The following NCOA1 variants were observed in gnomAD, a reference collection of about 807,000 sequenced individuals.
NCOA1 encodes the protein nuclear receptor coactivator 1.
In NCOA1, 35 loss-of-function variants were observed where a neutral mutation model predicts 150.9. The observed-to-expected ratio is 0.23, with a 90% CI of 0.18 to 0.31. NCOA1 has a LOEUF of 0.31. Among genes scored for constraint, NCOA1 ranks in the 10% least tolerant of loss-of-function variants. The probability of loss-of-function intolerance (pLI) is 1.00; values close to 1 mark genes in which losing one functional copy is unlikely to be tolerated. For synonymous variants in NCOA1, 590 were observed against 630.0 expected, an observed-to-expected ratio of 0.94 and a Z score of 0.95; for missense variants, 1,491 against 1,749.3, an observed-to-expected ratio of 0.85 and a Z score of 2.63.
rs191439491 is a variant in NCOA1, at chr2:24,631,987, G to A, written c.-174-11979G>A. ...ATTTTTGAATAATTACAAAATAACA[G>A]GAAGATTGAAATAAATAAAATGTTA... is the stretch of plus-strand genomic sequence containing the variant. On this transcript the variant is annotated intron_variant, in intron 3 of 22. Transcript: ENST00000348332. Among the ~76,000 whole-genome samples, 14 of 152,214 alleles carry A rather than the reference G, an allele frequency of 9.2e-5. No homozygotes were observed. In the East Asian group the frequency reaches 2.5e-3, roughly 27 times the overall value.
chr2:24,525,995 ATGTCTG>A (rs1323752877), intron 1 of NCOA1, among the ~76,000 whole-genome samples: 1 of 151,994 alleles, frequency 6.6e-6, no homozygotes. Flanking sequence ...GACTGCTTTG[ATGTCTG>A]TATTTGAAGA....
intron 3 of NCOA1, among the ~76,000 whole-genome samples, chr2:24,627,624 AAC>A (rs1189510845): frequency 1.3e-5 from 2 of 152,230 alleles, no homozygotes; most frequent in Non-Finnish European, 2.9e-5. Context: ...GCCATCTTCT[AAC>A]ACATATAAAA....
rs191915207 is a variant in NCOA1 at position 24,684,120 on chromosome 2, C to T, written c.532+992C>T. 1.7e-4 allele frequency among the ~76,000 whole-genome samples: 26 copies of T among 152,256 alleles called. No individual in the cohort carries two copies. The East Asian group carries it at 3.3e-3, about 19-fold the overall frequency. ...GGAAGTCAAACAATGTAAGATTCCCCTGATGTCACTATAGGTAATACTTAA... is the reference window on the plus strand; with the variant it reads ...GGAAGTCAAACAATGTAAGATTCCCTTGATGTCACTATAGGTAATACTTAA... On this transcript the variant is annotated intron_variant, in intron 8 of 22. Transcript: ENST00000348332.
At chr2:24,695,529 A>G (rs375374303) in intron 10 of NCOA1, among the ~76,000 whole-genome samples, 23 of 152,340 alleles carry the variant, frequency 1.5e-4, no homozygotes, top group African/African-American at 5.5e-4. Context: ...TTAAAATGTA[A>G]AACTAACATT....
chr2:24,539,494 G>C (rs1665302626), intron 1 of NCOA1, among the ~76,000 whole-genome samples: 1 of 152,086 alleles, frequency 6.6e-6, no homozygotes, highest in African/African-American at 2.4e-5. Context: ...ATCATAGAGG[G>C]CTTTGCATAT....
In NCOA1 at chr2:24,741,935, T is replaced by C. The variant is rs765410489; in HGVS notation, c.3455T>C (p.Val1152Ala). 6.2e-7 allele frequency: 1 copy of C among 1,614,120 alleles called. No homozygotes were observed. Among genetic ancestry groups the C allele is most frequent in the East Asian group, 2.2e-5 (1 of 44,882 alleles). Residue 1152 changes from valine to alanine, a missense_variant, in exon 19 of 23, where the codon GTT (valine) becomes GCT (alanine). Val to Ala is a moderately conservative substitution (Grantham distance 64). Transcript: ENST00000348332. ...NNLPPSSGLP[V>A]QMGNPRLPQG... ...CTCCCTCCCTCATCTGGACTACCAG[T>C]TCAAATGGGGAACCCCCGTCTTCCT...
At chr2:24,500,618 A>T (rs181180861) in intron 1 of NCOA1, among the ~76,000 whole-genome samples, 1 of 152,182 alleles carries the variant, frequency 6.6e-6, no homozygotes, top group Admixed American at 6.5e-5. Flanking sequence ...ATACCATTTC[A>T]TAGAGATTAA....
intron 1 of NCOA1, among the ~76,000 whole-genome samples, chr2:24,559,099 A>G (rs1241133503): frequency 6.6e-6 from 1 of 152,162 alleles, no homozygotes; most frequent in Non-Finnish European, 1.5e-5. Context: ...AGTTAGAAAA[A>G]TAATTTTTCA....
chr2:24,718,304 C>CCAAGTGATGG (rs772848785), intron 14 of NCOA1, among the ~76,000 whole-genome samples: 1 of 152,114 alleles, frequency 6.6e-6, no homozygotes, highest in Non-Finnish European at 1.5e-5. Context: ...ACTGACCATA[C>CCAAGTGATGG]CAAGTGATGG....
rs145861361 is a variant in NCOA1, at chr2:24,556,667, A to G, written c.-395-7628A>G. Among the ~76,000 whole-genome samples the G allele has an allele frequency of 7.0e-3, 1,063 of 152,304 alleles. 12 individuals are homozygous for G. The highest frequency in any genetic ancestry group is 0.024 in the African/African-American group (1,003 of 41,558). ...GGTCATTAGAGAAATGCAAATCAAA[A>G]TCACAGTGAGATACCATCTCATGCC... On this transcript the variant is annotated intron_variant, in intron 1 of 22. Coordinates refer to ENST00000348332, the MANE Select transcript of NCOA1 (RefSeq NM_003743.5).
intron 3 of NCOA1, among the ~76,000 whole-genome samples, chr2:24,632,088 A>G (rs1669733209): frequency 1.3e-5 from 2 of 152,092 alleles, no homozygotes; most frequent in South Asian, 2.1e-4. Flanking sequence ...TCAAAACAGC[A>G]GTTTAGTTAA....
intron 1 of NCOA1, among the ~76,000 whole-genome samples, chr2:24,511,712 A>G (rs1480887305): frequency 2.0e-5 from 3 of 150,714 alleles, no homozygotes. Context: ...TGAGGGACAA[A>G]CATTTCTAAT....
At chr2:24,651,305 G>A (rs1048685520) in intron 4 of NCOA1, among the ~76,000 whole-genome samples, 11 of 152,010 alleles carry the variant, frequency 7.2e-5, no homozygotes, top group African/African-American at 2.7e-4. Context: ...CAACCTAGGG[G>A]TTGCTCAGTG....
In NCOA1 at chr2:24,571,068, G is replaced by T. The variant is rs539451705; in HGVS notation, c.-260+6638G>T. ...TTTTTAAAAGCCCTTACCTTTTAGC[G>T]ATACATAATGAAATATTGATGTAAC... On this transcript the variant is annotated intron_variant, in intron 2 of 22. Transcript: ENST00000348332. Among the ~76,000 whole-genome samples, 37 of 152,214 alleles carry T rather than the reference G, an allele frequency of 2.4e-4. No homozygotes were observed. In the South Asian group the frequency reaches 7.0e-3, roughly 29 times the overall value.
chr2:24,582,608 T>C lies in NCOA1; in HGVS notation c.-259-1868T>C, dbSNP rs149926181. 5.9e-5 allele frequency among the ~76,000 whole-genome samples: 9 copies of C among 152,174 alleles called. No individual in the cohort carries two copies. In the East Asian group the frequency reaches 1.5e-3, roughly 26 times the overall value. On this transcript the variant is annotated intron_variant, in intron 2 of 22. Coordinates refer to ENST00000348332, the MANE Select transcript of NCOA1 (RefSeq NM_003743.5). ...TTCACAAAGATAGAAAAAAAGATCC[T>C]AAAATTTGTATGAAACCACAGACGA...
At position 24,621,432 on chromosome 2, in the gene NCOA1, ATTTTTTTTTTT is replaced by A. The variant is rs1162282258; in HGVS notation, c.-174-22511_-174-22501del. ...TTGTGTTATGTGTGTATTCAGGCAGATTTTTTTTTTTTTTTTTTTTTTTTTTTTTTTTTGAG... is the reference window on the plus strand; with the variant it reads ...TTGTGTTATGTGTGTATTCAGGCAGATTTTTTTTTTTTTTTTTTTTTTGAG... On this transcript the variant is annotated intron_variant, in intron 3 of 22. Coordinates refer to ENST00000348332, the MANE Select transcript of NCOA1 (RefSeq NM_003743.5). Among the ~76,000 whole-genome samples, 87 of 38,886 alleles carry A rather than the reference ATTTTTTTTTTT, an allele frequency of 2.2e-3. 1 individual carries two copies. The highest frequency in any genetic ancestry group is 9.3e-3 in the African/African-American group (80 of 8,600). 25.5% of individuals were successfully genotyped at this position (38,886 alleles called of 152,430 possible).
At chr2:24,694,823 T>A (rs146051115) in intron 10 of NCOA1, among the ~76,000 whole-genome samples, 88 of 152,134 alleles carry the variant, frequency 5.8e-4, no homozygotes, top group South Asian at 4.8e-3. Flanking sequence ...TAAATTTTTT[T>A]AAAATTTTTT....
chr2:24,731,661 TAAAG>T (rs1052542857), intron 17 of NCOA1, among the ~76,000 whole-genome samples: 41 of 152,200 alleles, frequency 2.7e-4, no homozygotes, highest in African/African-American at 7.2e-4. Flanking sequence ...AAAGAAGAAT[TAAAG>T]GAAGAGAGAG....
intron 3 of NCOA1, among the ~76,000 whole-genome samples, chr2:24,636,448 C>T (rs1042398752): frequency 2.6e-5 from 4 of 152,144 alleles, no homozygotes; most frequent in Admixed American, 6.5e-5. Context: ...ACTAAATTCA[C>T]TTATTGCATT....
Sources: allele counts gnomAD v4.1 joint callset (sites outside exome capture counted in the v4.1 genomes callset), GRCh38; gene constraint gnomAD v4.1.1; transcripts MANE v1.5; gene names NCBI Gene and HGNC (gene_info 2026-07-23, HGNC 2026-07-21).